The following CCDC146 variants were observed in gnomAD, a reference collection of about 807,000 sequenced individuals.
The protein encoded by CCDC146 is coiled-coil domain containing 146.
A neutral mutation model predicts 119.3 loss-of-function variants in CCDC146; 92 were observed. The ratio of observed to expected loss-of-function variants is 0.77; its 90% CI spans 0.65 to 0.92. The LOEUF is 0.92. CCDC146 is among the 40% of genes least tolerant of loss of function. CCDC146 has a pLI of 0.00. For missense variants in CCDC146, 1,000 were observed against 1,103.0 expected (o/e 0.91, Z 1.32); for synonymous variants, 372 against 371.8 (o/e 1.00, Z -0.01).
chr7:77,226,714 A>G (rs981752640), intron 2 of CCDC146, among the ~76,000 whole-genome samples: 1 of 152,302 alleles, frequency 6.6e-6, no homozygotes, highest in South Asian at 2.1e-4. Flanking sequence ...ACAATTTAAG[A>G]TTGAACTTTG....
intron 9 of CCDC146, among the ~76,000 whole-genome samples, chr7:77,268,850 T>C (rs1327460867): frequency 5.3e-5 from 8 of 152,226 alleles, no homozygotes; most frequent in Non-Finnish European, 1.0e-4. Context: ...ATGAAGAAGA[T>C]TTGATGTCAT....
intron 1 of CCDC146, among the ~76,000 whole-genome samples, chr7:77,157,482 A>G (rs1791195522): frequency 6.6e-6 from 1 of 152,042 alleles, no homozygotes; most frequent in African/African-American, 2.4e-5. Flanking sequence ...TTCAAAATCA[A>G]AACAAAATGA....
chr7:77,204,391 A>G (rs1792048180), intron 2 of CCDC146, among the ~76,000 whole-genome samples: 1 of 152,224 alleles, frequency 6.6e-6, no homozygotes, highest in Non-Finnish European at 1.5e-5. Context: ...TAAAGCTAGA[A>G]TAATAGTTGG....
At chr7:77,199,176 C>T (rs752035267) in intron 2 of CCDC146, 2 of 1,609,536 alleles carry the variant, frequency 1.2e-6, no homozygotes, top group South Asian at 1.1e-5. Flanking sequence ...CATTATTATA[C>T]ATACCTGGAC....
chr7:77,148,018 C>T (rs1457547583), intron 1 of CCDC146, among the ~76,000 whole-genome samples: 8 of 152,240 alleles, frequency 5.3e-5, no homozygotes, highest in African/African-American at 1.4e-4. Context: ...GTGGAGCCTA[C>T]AGAGGCAGGC....
At chr7:77,222,919 G>C (rs987869464) in intron 2 of CCDC146, among the ~76,000 whole-genome samples, 1 of 152,200 alleles carries the variant, frequency 6.6e-6, no homozygotes, top group Non-Finnish European at 1.5e-5. Context: ...GCCTCTTCTG[G>C]TTAATGTTTT....
At chr7:77,183,030 C>T (rs1273577369) in intron 2 of CCDC146, among the ~76,000 whole-genome samples, 1 of 152,112 alleles carries the variant, frequency 6.6e-6, no homozygotes, top group African/African-American at 2.4e-5. Flanking sequence ...AAACAGAAAG[C>T]CTTGGAAAGC....
chr7:77,129,832 C>T (rs1177186525), intron 1 of CCDC146, among the ~76,000 whole-genome samples: 4 of 152,008 alleles, frequency 2.6e-5, no homozygotes, highest in African/African-American at 9.7e-5. Context: ...ATATGGTTTC[C>T]TTTCATTCTT....
intron 1 of CCDC146, among the ~76,000 whole-genome samples, chr7:77,124,450 T>C (rs1024740569): frequency 6.6e-6 from 1 of 152,232 alleles, no homozygotes; most frequent in Non-Finnish European, 1.5e-5. Flanking sequence ...CATCTCACTG[T>C]ATCCTCACTA....
chr7:77,253,791 G>T (rs76679551), intron 4 of CCDC146, among the ~76,000 whole-genome samples: 4,607 of 152,316 alleles, frequency 0.03, 183 homozygotes, highest in East Asian at 0.15. Context: ...TCTATGAGAA[G>T]ATGATATCGG....
chr7:77,215,841 A>G (rs1023269774), intron 2 of CCDC146, among the ~76,000 whole-genome samples: 4 of 152,148 alleles, frequency 2.6e-5, no homozygotes, highest in African/African-American at 9.6e-5. Context: ...TAGGATTCCT[A>G]TTCAAATTGG....
intron 2 of CCDC146, among the ~76,000 whole-genome samples, chr7:77,207,755 G>A (rs1453572830): frequency 6.6e-6 from 1 of 152,078 alleles, no homozygotes; most frequent in Non-Finnish European, 1.5e-5. Context: ...AATATGAGAT[G>A]GTCAGATTAG....
At chr7:77,186,151 G>A (rs546027496) in intron 2 of CCDC146, among the ~76,000 whole-genome samples, 22 of 152,232 alleles carry the variant, frequency 1.4e-4, no homozygotes, top group African/African-American at 2.6e-4. Context: ...GTATATACCC[G>A]AAAGAAAGGA....
chr7:77,237,894 A>G (rs2150484108), intron 3 of CCDC146, among the ~76,000 whole-genome samples: 2 of 152,196 alleles, frequency 1.3e-5, no homozygotes, highest in African/African-American at 2.4e-5. Flanking sequence ...CTCTTGTCTC[A>G]GGGCCTTGCA....
intron 1 of CCDC146, among the ~76,000 whole-genome samples, chr7:77,160,701 C>T (rs909967245): frequency 1.3e-5 from 2 of 152,192 alleles, no homozygotes; most frequent in Non-Finnish European, 2.9e-5. Flanking sequence ...GATATACAAT[C>T]ATGTCATCTG....
intron 2 of CCDC146, among the ~76,000 whole-genome samples, chr7:77,171,256 T>A (rs534645413): frequency 6.6e-6 from 1 of 152,268 alleles, no homozygotes; most frequent in Admixed American, 6.5e-5. Flanking sequence ...TTAAAATAAC[T>A]CCTCTCCATG....
intron 18 of CCDC146, among the ~76,000 whole-genome samples, 164 bp from the exon 19 acceptor site, chr7:77,294,499 T>A (rs1794009758): frequency 6.7e-6 from 1 of 150,316 alleles, no homozygotes; most frequent in African/African-American, 2.5e-5. Context: ...TGTGTGTGTG[T>A]GTGTGTGGTG....
At chr7:77,198,010 A>C in intron 2 of CCDC146, 1 of 395,118 alleles carries the variant, frequency 2.5e-6, no homozygotes, top group Non-Finnish European at 3.4e-6. Flanking sequence ...TTTAGAGCTC[A>C]GAATATTCAG....
At chr7:77,259,860 T>C (rs1793254750) in intron 7 of CCDC146, 149 bp from the exon 8 acceptor site, 2 of 618,196 alleles carry the variant, frequency 3.2e-6, no homozygotes, top group Admixed American at 3.0e-5. Flanking sequence ...GCTGAGATCA[T>C]TGAATTTATG....
Sources: gnomAD v4.1 joint callset for allele counts (sites outside exome capture counted in the v4.1 genomes callset) on GRCh38, gnomAD v4.1.1 for gene constraint, MANE v1.5 for transcripts, NCBI Gene and HGNC (gene_info 2026-07-23, HGNC 2026-07-21) for gene names.